The following WDR72 variants were observed in gnomAD, a reference collection of about 807,000 sequenced individuals.
The protein encoded by WDR72 is WD repeat domain 72.
In WDR72, 120 loss-of-function variants were observed where a neutral mutation model predicts 124.2. That is an observed-to-expected ratio of 0.97 (90% CI 0.83 to 1.12). WDR72 has a LOEUF of 1.12. WDR72 is among the 50% of genes most tolerant of loss of function. The pLI is 0.00. For synonymous variants in WDR72, 452 were observed against 441.7 expected, an observed-to-expected ratio of 1.02 and a Z score of -0.29; for missense variants, 1,387 against 1,278.8, an observed-to-expected ratio of 1.08 and a Z score of -1.29.
chr15:53,713,733 C>T (rs562347167), intron 6 of WDR72, among the ~76,000 whole-genome samples: 49 of 152,170 alleles, frequency 3.2e-4, no homozygotes, highest in African/African-American at 1.2e-3. Flanking sequence ...GCTGGGATTA[C>T]AGGCGTGAGC....
chr15:53,630,640 A>G (rs2014389707), intron 14 of WDR72, among the ~76,000 whole-genome samples: 1 of 152,226 alleles, frequency 6.6e-6, no homozygotes, highest in South Asian at 2.1e-4. Context: ...CACAAAAAGC[A>G]TTTGAAAAAA....
chr15:53,758,625 G>C (rs1267145436), intron 1 of WDR72, among the ~76,000 whole-genome samples: 1 of 152,068 alleles, frequency 6.6e-6, no homozygotes, highest in Admixed American at 6.6e-5. Flanking sequence ...TTTGTAAGTG[G>C]TGAGAGCTGA....
At chr15:53,631,204 T>C (rs973604742) in intron 14 of WDR72, among the ~76,000 whole-genome samples, 2 of 152,106 alleles carry the variant, frequency 1.3e-5, no homozygotes, top group Admixed American at 6.5e-5. Context: ...TGAGTTCTCA[T>C]GAGATCTGGT....
chr15:53,678,126 C>T (rs531967699), intron 13 of WDR72, among the ~76,000 whole-genome samples: 1 of 152,214 alleles, frequency 6.6e-6, no homozygotes, highest in African/African-American at 2.4e-5. Context: ...GAGAAGAGAA[C>T]TGAAGAAAGA....
At chr15:53,642,020 A>G (rs1397225712) in intron 14 of WDR72, among the ~76,000 whole-genome samples, 1 of 151,724 alleles carries the variant, frequency 6.6e-6, no homozygotes, top group Non-Finnish European at 1.5e-5. Context: ...GATTACTGTA[A>G]TTTTACTTGG....
chr15:53,628,711 T>C (rs2014304208), intron 14 of WDR72, among the ~76,000 whole-genome samples: 1 of 152,130 alleles, frequency 6.6e-6, no homozygotes, highest in Non-Finnish European at 1.5e-5. Flanking sequence ...ATTAACAAAT[T>C]CTAAATATTT....
chr15:53,639,633 C>T (rs2014773872), intron 14 of WDR72, among the ~76,000 whole-genome samples: 1 of 150,724 alleles, frequency 6.6e-6, no homozygotes, highest in Non-Finnish European at 1.5e-5. Context: ...CTCCTAACTG[C>T]AGTGTGTGCC....
chr15:53,759,641 T>G lies in WDR72; in HGVS notation c.-21A>C, dbSNP rs2019016515. 1.3e-5 allele frequency: 2 copies of G among 152,328 alleles called. No homozygotes were observed. The allele number at this position is 152,328 out of a possible 1,614,324, so 9.4% of individuals were successfully genotyped here. On this transcript the variant is annotated 5_prime_UTR_variant, in exon 1 of 20. Transcript: ENST00000360509. ...GGGGGTGCCTGCCTTACCTGAGCCGTGGGGCGGAGGAGCGGCAGAGGCCAG... is the reference window on the plus strand; with the variant it reads ...GGGGGTGCCTGCCTTACCTGAGCCGGGGGGCGGAGGAGCGGCAGAGGCCAG...
chr15:53,573,227 T>C (rs1346962951), intron 18 of WDR72, among the ~76,000 whole-genome samples: 1 of 152,222 alleles, frequency 6.6e-6, no homozygotes, highest in Non-Finnish European at 1.5e-5. Context: ...TGTGGCTGTG[T>C]GTCTATTTCC....
chr15:53,538,326 C>G (rs1227363143), intron 18 of WDR72, among the ~76,000 whole-genome samples: 1 of 152,178 alleles, frequency 6.6e-6, no homozygotes, highest in African/African-American at 2.4e-5. Flanking sequence ...TGCACCATCA[C>G]TTGTGCATGG....
At chr15:53,681,722 A>G (rs894381616) in intron 13 of WDR72, among the ~76,000 whole-genome samples, 4 of 152,328 alleles carry the variant, frequency 2.6e-5, no homozygotes, top group Admixed American at 1.3e-4. Context: ...TTTGTTTCTG[A>G]GCATACAAAA....
chr15:53,717,542 A>G (rs534158386), intron 3 of WDR72, among the ~76,000 whole-genome samples: 2 of 152,300 alleles, frequency 1.3e-5, no homozygotes, highest in South Asian at 4.1e-4. Flanking sequence ...TGGGAACTCA[A>G]TCTTCTACAT....
At chr15:53,663,456 A>C (rs2015675205) in intron 14 of WDR72, among the ~76,000 whole-genome samples, 1 of 152,202 alleles carries the variant, frequency 6.6e-6, no homozygotes, top group Non-Finnish European at 1.5e-5. Context: ...TCTTGAAGTC[A>C]AGGAATAAAC....
intron 18 of WDR72, among the ~76,000 whole-genome samples, chr15:53,537,686 G>GTAT (rs759267233): frequency 3.3e-5 from 5 of 152,104 alleles, no homozygotes; most frequent in Middle Eastern, 3.2e-3. Context: ...AGTAAATTCA[G>GTAT]TATTATTATT....
intron 14 of WDR72, among the ~76,000 whole-genome samples, chr15:53,626,785 G>A (rs1226804086): frequency 6.6e-6 from 1 of 152,142 alleles, no homozygotes; most frequent in African/African-American, 2.4e-5. Context: ...GTTTAAAGGT[G>A]GAAGTGGTCA....
intron 1 of WDR72, among the ~76,000 whole-genome samples, chr15:53,746,427 G>A (rs917204133): frequency 5.9e-5 from 9 of 152,110 alleles, no homozygotes; most frequent in African/African-American, 2.2e-4. Flanking sequence ...GAAACACAAA[G>A]GATAAAGTTC....
chr15:53,732,988 T>C lies in WDR72; in HGVS notation c.153+9A>G. 6.2e-7 allele frequency: 1 copy of C among 1,614,032 alleles called. No individual in the cohort carries two copies. The highest frequency in any genetic ancestry group is 8.5e-7 in the Non-Finnish European group (1 of 1,179,922). On this transcript the variant is annotated intron_variant, in intron 2 of 19. Transcript: ENST00000360509. ...GGTGTCTGTTTCAATATCAGTAGCTTTCACTAACCTTTAGTTCATGTGAGA... is the reference window on the plus strand; with the variant it reads ...GGTGTCTGTTTCAATATCAGTAGCTCTCACTAACCTTTAGTTCATGTGAGA...
intron 11 of WDR72, among the ~76,000 whole-genome samples, chr15:53,702,558 CT>C (rs1168297472): frequency 2.0e-5 from 3 of 152,142 alleles, no homozygotes; most frequent in Admixed American, 2.0e-4. Flanking sequence ...TGATGAAGCA[CT>C]ACAGTTAGTT....
At chr15:53,583,382 TC>T (rs1296516525) in intron 18 of WDR72, among the ~76,000 whole-genome samples, 19 of 152,016 alleles carry the variant, frequency 1.2e-4, no homozygotes, top group African/African-American at 4.6e-4. Context: ...TATTCCAGGG[TC>T]CTGAAATTGC....
Sources: gnomAD v4.1 joint callset for allele counts (sites outside exome capture counted in the v4.1 genomes callset) on GRCh38, gnomAD v4.1.1 for gene constraint, MANE v1.5 for transcripts, NCBI Gene and HGNC (gene_info 2026-07-23, HGNC 2026-07-21) for gene names.